Variants in EML6 observed in about 807,000 individuals in gnomAD.
EML6 encodes EMAP like 6.
A neutral mutation model predicts 240.1 loss-of-function variants in EML6; 154 were observed. The observed-to-expected ratio is 0.64, with a 90% CI of 0.56 to 0.73. The LOEUF (loss-of-function observed/expected upper bound fraction) is 0.73, where lower values mean the gene tolerates loss of function less well. EML6 is among the 30% of genes least tolerant of loss of function. The pLI, the probability that EML6 is intolerant of heterozygous loss-of-function variation, is 0.00. For synonymous variants in EML6, 1,148 were observed against 899.0 expected (o/e 1.28, Z -4.95); for missense variants, 2,964 against 2,474.6 (o/e 1.20, Z -4.20).
chr2:54,811,311 G>T (rs922533945), intron 2 of EML6, among the ~76,000 whole-genome samples: 2 of 152,184 alleles, frequency 1.3e-5, no homozygotes, highest in Non-Finnish European at 2.9e-5. Context: ...TTCAAGAGCT[G>T]CCCCTGCCTG....
At chr2:54,726,991 A>C (rs1572826276) in intron 2 of EML6, among the ~76,000 whole-genome samples, 1 of 152,244 alleles carries the variant, frequency 6.6e-6, no homozygotes, top group Non-Finnish European at 1.5e-5. Flanking sequence ...AAGGAAAAAA[A>C]CCAAATGCAC....
chr2:54,851,428 T>A (rs960286402), intron 10 of EML6, among the ~76,000 whole-genome samples: 1 of 151,982 alleles, frequency 6.6e-6, no homozygotes, highest in Non-Finnish European at 1.5e-5. Flanking sequence ...AAATAAATAA[T>A]AAATAAATTT....
At chr2:54,837,374 C>A (rs111568177) in intron 7 of EML6, among the ~76,000 whole-genome samples, 3 of 152,164 alleles carry the variant, frequency 2.0e-5, no homozygotes, top group African/African-American at 7.2e-5. Flanking sequence ...ATTTCCTCAT[C>A]GGTTCAGCAC....
chr2:54,963,240 G>A (rs756229562), intron 36 of EML6, among the ~76,000 whole-genome samples: 7 of 152,184 alleles, frequency 4.6e-5, no homozygotes, highest in East Asian at 1.9e-4. Flanking sequence ...TTTTAAAATG[G>A]CTGGTAAGTG....
intron 19 of EML6, among the ~76,000 whole-genome samples, chr2:54,894,235 A>G (rs907760965): frequency 7.2e-5 from 11 of 151,862 alleles, no homozygotes; most frequent in African/African-American, 2.4e-4. Context: ...AACAGTTGGT[A>G]TATATAATAA....
At chr2:54,959,074 C>A (rs1213967329) in intron 33 of EML6, 30 bp from the exon 34 acceptor site, 2 of 1,536,158 alleles carry the variant, frequency 1.3e-6, no homozygotes, top group Non-Finnish European at 1.8e-6. Context: ...GAGTGTGTTC[C>A]GGGTGTAGAA....
chr2:54,887,106 T>C (rs891329505), intron 17 of EML6, among the ~76,000 whole-genome samples: 4 of 152,252 alleles, frequency 2.6e-5, no homozygotes, highest in African/African-American at 9.6e-5. Context: ...CACCCTTTTG[T>C]ACACTACTGC....
intron 2 of EML6, among the ~76,000 whole-genome samples, chr2:54,791,253 G>A (rs544197008): frequency 1.3e-5 from 2 of 152,136 alleles, no homozygotes; most frequent in East Asian, 1.9e-4. Flanking sequence ...GGGAAGTGAC[G>A]GCACAGTTAC....
chr2:54,825,506 C>G (rs1335659335), intron 5 of EML6, among the ~76,000 whole-genome samples: 1 of 152,118 alleles, frequency 6.6e-6, no homozygotes, highest in East Asian at 1.9e-4. Context: ...CAAGTGATCT[C>G]TCTGCCTTGG....
At chr2:54,749,925 A>G (rs1684084114) in intron 2 of EML6, among the ~76,000 whole-genome samples, 1 of 152,216 alleles carries the variant, frequency 6.6e-6, no homozygotes, top group Non-Finnish European at 1.5e-5. Context: ...CGGTATGTCC[A>G]TTTGAGGCTT....
At chr2:54,848,641 C>A (rs139306324) in intron 9 of EML6, among the ~76,000 whole-genome samples, 13 of 151,676 alleles carry the variant, frequency 8.6e-5, no homozygotes, top group South Asian at 2.1e-4. Context: ...TTATGTAGAA[C>A]GATTATTTGC....
intron 22 of EML6, among the ~76,000 whole-genome samples, chr2:54,902,646 G>A (rs1027461850): frequency 6.6e-6 from 1 of 152,174 alleles, no homozygotes; most frequent in Admixed American, 6.5e-5. Flanking sequence ...CAATCCACCT[G>A]CCTTGGCCTC....
At chr2:54,791,231 A>G (rs1485111660) in intron 2 of EML6, among the ~76,000 whole-genome samples, 3 of 152,190 alleles carry the variant, frequency 2.0e-5, no homozygotes, top group Non-Finnish European at 4.4e-5. Flanking sequence ...TGATGCCAGT[A>G]CATGCCTGAT....
intron 2 of EML6, among the ~76,000 whole-genome samples, chr2:54,773,853 G>T (rs1413578555): frequency 6.6e-6 from 1 of 152,232 alleles, no homozygotes; most frequent in African/African-American, 2.4e-5. Context: ...AGGCATCTTA[G>T]TGTGGCATGA....
chr2:54,853,604 T>G lies in EML6; in HGVS notation c.1445-39T>G, dbSNP rs1357269161. On this transcript the variant is annotated intron_variant, in intron 10 of 41. Coordinates refer to ENST00000356458, the MANE Select transcript of EML6 (RefSeq NM_001039753.4). ...TTATAAAAAATAAATTAGAATAAAC[T>G]TTTTATTTAAATGTAATGTTAATAT... 3 of 1,248,384 alleles carry G rather than the reference T, an allele frequency of 2.4e-6. No homozygotes were observed. The Admixed American group carries it at 9.1e-5, about 38-fold the overall frequency. The allele number at this position is 1,248,384 out of a possible 1,614,324, so 77.3% of individuals were successfully genotyped here.
At chr2:54,934,523 C>T (rs1675034397) in intron 28 of EML6, among the ~76,000 whole-genome samples, 1 of 151,932 alleles carries the variant, frequency 6.6e-6, no homozygotes, top group Non-Finnish European at 1.5e-5. Flanking sequence ...TATATAGTAT[C>T]AACTTAGAAC....
intron 17 of EML6, among the ~76,000 whole-genome samples, chr2:54,885,985 C>T (rs1047965512): frequency 1.3e-5 from 2 of 152,048 alleles, no homozygotes; most frequent in African/African-American, 4.8e-5. Flanking sequence ...GGTTCACATT[C>T]ATGTAGCCAT....
intron 12 of EML6, among the ~76,000 whole-genome samples, chr2:54,863,446 C>T (rs944202818): frequency 1.3e-5 from 2 of 152,012 alleles, no homozygotes; most frequent in African/African-American, 2.4e-5. Context: ...GCTTGAGCCC[C>T]GGAGGAGGAG....
intron 28 of EML6, among the ~76,000 whole-genome samples, chr2:54,930,768 C>T (rs1258981966): frequency 6.6e-6 from 1 of 152,060 alleles, no homozygotes. Flanking sequence ...GCCAGCTGCA[C>T]AGCATGCCGG....
Sources: allele counts gnomAD v4.1 joint callset (sites outside exome capture counted in the v4.1 genomes callset), GRCh38; gene constraint gnomAD v4.1.1; transcripts MANE v1.5; gene names NCBI Gene and HGNC (gene_info 2026-07-23, HGNC 2026-07-21).